The following KCNQ2 variants were observed in gnomAD, a reference collection of about 807,000 sequenced individuals.
KCNQ2 encodes the protein potassium voltage-gated channel subfamily Q member 2.
Under a neutral mutation model 84.8 loss-of-function variants are expected in KCNQ2, and 14 were observed. That is an observed-to-expected ratio of 0.17 (90% CI 0.11 to 0.26). The LOEUF (loss-of-function observed/expected upper bound fraction) is 0.26, where lower values mean the gene tolerates loss of function less well. Ranked by LOEUF, KCNQ2 falls within the 10% of genes least tolerant of loss-of-function variation. The probability of loss-of-function intolerance (pLI) is 1.00; values close to 1 mark genes in which losing one functional copy is unlikely to be tolerated. For synonymous variants in KCNQ2, 599 were observed against 554.1 expected (o/e 1.08, Z -1.14); for missense variants, 788 against 1,254.0 (o/e 0.63, Z 5.61).
intron 1 of KCNQ2, chr20:63,466,557 G>A (rs937127052): frequency 2.6e-5 from 4 of 152,250 alleles, no homozygotes; most frequent in African/African-American, 7.2e-5. Context: ...GGAGCCTCAC[G>A]GTCACGGCGA....
At chr20:63,469,625 T>A (rs535149419) in intron 1 of KCNQ2, among the ~76,000 whole-genome samples, 1 of 152,210 alleles carries the variant, frequency 6.6e-6, no homozygotes, top group Non-Finnish European at 1.5e-5. Context: ...CTGGTGGCAA[T>A]AGGCAAAAGG....
chr20:63,429,771 A>G (rs531192750), intron 9 of KCNQ2, among the ~76,000 whole-genome samples: 84 of 152,220 alleles, frequency 5.5e-4, no homozygotes, highest in Non-Finnish European at 9.7e-4. Context: ...AGAGCTGTCC[A>G]GAAGCCCCTC....
chr20:63,463,080 TG>T (rs1289301075), intron 1 of KCNQ2, among the ~76,000 whole-genome samples: 2 of 151,846 alleles, frequency 1.3e-5, no homozygotes, highest in Non-Finnish European at 2.9e-5. Context: ...TGTGTGTGTG[TG>T]TGTGTGCACA....
At chr20:63,442,875 T>TCAC (rs2081242184) in intron 4 of KCNQ2, among the ~76,000 whole-genome samples, 1 of 2,324 alleles carries the variant, frequency 4.3e-4, no homozygotes, top group Non-Finnish European at 8.6e-4. Context: ...ACCATCACCA[T>TCAC]TATCACCACC....
At chr20:63,431,516 C>T in intron 8 of KCNQ2, 147 bp from the exon 9 acceptor site, 1 of 876,832 alleles carries the variant, frequency 1.1e-6, no homozygotes, top group East Asian at 2.5e-5. Context: ...GGTTCTGTCC[C>T]TGCCCTGGGC....
At position 63,438,173 on chromosome 20, in the gene KCNQ2, G is replaced by A. The variant is rs1434490726; in HGVS notation, c.1023+452C>T. 1.5e-5 allele frequency: 4 copies of A among 261,602 alleles called. No individual in the cohort carries two copies. Among genetic ancestry groups the A allele is most frequent in the Admixed American group, 1.4e-4 (3 of 20,974 alleles). The allele number at this position is 261,602 out of a possible 1,614,324, so 16.2% of individuals were successfully genotyped here. On this transcript the variant is annotated intron_variant, in intron 7 of 16. Coordinates refer to ENST00000359125, the MANE Select transcript of KCNQ2 (RefSeq NM_172107.4). This position sits in a 1 kb window ranked among gnomAD's most constrained non-coding sequence, Gnocchi z 5.1. ...GTGGATGCCACAGTGGTCACTGCAC[G>A]CTACCCACCCCCAAATGGTGGGACG...
intron 5 of KCNQ2, 145 bp downstream of exon 5, chr20:63,442,257 CTCGA>C: frequency 8.6e-7 from 1 of 1,159,382 alleles, no homozygotes; most frequent in Non-Finnish European, 1.3e-6. Context: ...ACCACCCCGC[CTCGA>C]CCACAAGCCA....
Position 63,425,212 on chromosome 20 carries a change from C to G in KCNQ2, c.1218-1006G>C, listed in dbSNP as rs894639659. Among the ~76,000 whole-genome samples the G allele has an allele frequency of 1.3e-5, 2 of 152,218 alleles. No individual in the cohort carries two copies. The highest frequency in any genetic ancestry group is 2.9e-5 in the Non-Finnish European group (2 of 68,034). On this transcript the variant is annotated intron_variant, in intron 10 of 16. Transcript: ENST00000359125. The surrounding 1 kb of genome is among the most constrained non-coding windows in gnomAD (Gnocchi z 5.5). ...TTCCAGGATGACCTCATCTCAAGAT[C>G]CCAAGCTCAGTTACAGCTGCAAGGA...
At chr20:63,468,747 C>T (rs1268924791) in intron 1 of KCNQ2, among the ~76,000 whole-genome samples, 1 of 152,250 alleles carries the variant, frequency 6.6e-6, no homozygotes, top group Admixed American at 6.5e-5. Flanking sequence ...CAGGCCCTCC[C>T]CGGTGCCAGA....
chr20:63,433,094 T>G (rs929594917), intron 8 of KCNQ2, among the ~76,000 whole-genome samples: 4 of 152,116 alleles, frequency 2.6e-5, no homozygotes, highest in Non-Finnish European at 5.9e-5. Context: ...TCTCAGACCT[T>G]AATTTAAGCA....
Position 63,446,952 on chromosome 20 carries a change from C to T in KCNQ2, c.297-115G>A, listed in dbSNP as rs1568945622. On this transcript the variant is annotated intron_variant, in intron 1 of 16. Coordinates refer to ENST00000359125, the MANE Select transcript of KCNQ2 (RefSeq NM_172107.4). This position sits in a 1 kb window ranked among gnomAD's most constrained non-coding sequence, Gnocchi z 5.5. ...AGGCCGCAGCAGGGCACCAGCATGG[C>T]CGCGTCTCCAGAACGCAGGACCCCA... The T allele has an allele frequency of 2.1e-6, 2 of 930,652 alleles. No homozygotes were observed. Among genetic ancestry groups the T allele is most frequent in the Non-Finnish European group, 3.5e-6 (2 of 568,654 alleles). 57.6% of individuals were successfully genotyped at this position (930,652 alleles called of 1,614,324 possible).
intron 9 of KCNQ2, among the ~76,000 whole-genome samples, chr20:63,430,056 C>A (rs1159119974): frequency 6.6e-5 from 10 of 152,230 alleles, no homozygotes; most frequent in Admixed American, 6.5e-4. Context: ...TGGCTCCCCA[C>A]CCCTCCTTGA....
rs753267697 is a variant in KCNQ2, at chr20:63,437,903, T to A, written c.1023+722A>T. Among the ~76,000 whole-genome samples the A allele has an allele frequency of 3.9e-5, 6 of 152,068 alleles. No individual in the cohort carries two copies. The South Asian group carries it at 6.2e-4, about 16-fold the overall frequency. ...CGGCTCACTGCAACCTCCGCCTCCC[T>A]GGTTCAAGCGATTCTCCTGCTTCAG... On this transcript the variant is annotated intron_variant, in intron 7 of 16. Transcript: ENST00000359125.
rs749070370 is a variant in KCNQ2 at position 63,407,307 on chromosome 20, C to T, written c.1956G>A (p.Pro652=). The T allele has an allele frequency of 6.3e-6, 10 of 1,596,340 alleles. No individual in the cohort carries two copies. Among genetic ancestry groups the T allele is most frequent in the East Asian group, 2.2e-5 (1 of 44,782 alleles). ...CCCCAAAGTAGGCCTCGGTCTCTGTCGGGGGGATGCCCATCCGCTGCATGT... is the reference window on the plus strand; with the variant it reads ...CCCCAAAGTAGGCCTCGGTCTCTGTTGGGGGGATGCCCATCCGCTGCATGT... The part of the protein sequence containing the change: ...NIYMQRMGIP[P]TETEAYFGAK... The change falls in exon 17 of 17, where the codon CCG becomes CCA. Residue 652 remains proline, a synonymous_variant. Coordinates refer to ENST00000359125, the MANE Select transcript of KCNQ2 (RefSeq NM_172107.4). The surrounding 1 kb of genome is among the most constrained non-coding windows in gnomAD (Gnocchi z 7.2).
chr20:63,433,497 G>A (rs2080892177), intron 8 of KCNQ2: 1 of 574,910 alleles, frequency 1.7e-6, no homozygotes, highest in Non-Finnish European at 3.1e-6. Flanking sequence ...GTCCAGAGCA[G>A]CCCGGGGCGG....
chr20:63,400,463 G>A lies in KCNQ2; in HGVS notation c.*6181C>T. On this transcript the variant is annotated 3_prime_UTR_variant, in exon 17 of 17. Transcript: ENST00000359125. The surrounding 1 kb of genome is among the most constrained non-coding windows in gnomAD (Gnocchi z 8.7). ...CCCTGGGCGTCTATCCCTAGAAAAT[G>A]GACGGTGCACAAAGTTGAGATTGAA... 2.5e-6 allele frequency: 1 copy of A among 397,402 alleles called. No individual in the cohort carries two copies. The highest frequency in any genetic ancestry group is 4.4e-6 in the Non-Finnish European group (1 of 225,798). 24.6% of individuals were successfully genotyped at this position (397,402 alleles called of 1,614,324 possible). A position where few individuals can be genotyped will look rare whatever the true frequency, so the allele number is the denominator to read the frequency against.
chr20:63,443,802 G>A (rs1294623574), intron 4 of KCNQ2: 4 of 152,264 alleles, frequency 2.6e-5, no homozygotes, highest in Non-Finnish European at 4.4e-5. Context: ...TCTTAGCTAC[G>A]GCAGCCCATT....
intron 1 of KCNQ2, among the ~76,000 whole-genome samples, chr20:63,458,388 C>T (rs2081860762): frequency 6.6e-6 from 1 of 152,156 alleles, no homozygotes; most frequent in Admixed American, 6.5e-5. Flanking sequence ...ATCCACCCTG[C>T]TCCCCTCCTG....
rs1393105883 is a variant in KCNQ2 at position 63,400,475 on chromosome 20, A to G, written c.*6169T>C. 3 of 397,404 alleles carry G rather than the reference A, an allele frequency of 7.5e-6. No homozygotes were observed. Among genetic ancestry groups the G allele is most frequent in the Non-Finnish European group, 1.3e-5 (3 of 225,876 alleles). 24.6% of individuals were successfully genotyped at this position (397,404 alleles called of 1,614,324 possible). On this transcript the variant is annotated 3_prime_UTR_variant, in exon 17 of 17. Transcript: ENST00000359125. This position sits in a 1 kb window ranked among gnomAD's most constrained non-coding sequence, Gnocchi z 8.7. The stretch of plus-strand genomic sequence containing the variant: ...ATCCCTAGAAAATGGACGGTGCACA[A>G]AGTTGAGATTGAAGTGTGCGGGGTA...
Sources: allele counts gnomAD v4.1 joint callset (sites outside exome capture counted in the v4.1 genomes callset), GRCh38; gene constraint gnomAD v4.1.1; non-coding constraint Gnocchi (gnomAD v3.1); transcripts MANE v1.5; gene names NCBI Gene and HGNC (gene_info 2026-07-23, HGNC 2026-07-21).